CR1: variants seen among roughly 807,000 people sequenced by gnomAD.
The protein encoded by CR1 is complement C3b/C4b receptor 1 (Knops blood group).
Under a neutral mutation model 187.3 loss-of-function variants are expected in CR1, and 116 were observed. The ratio of observed to expected loss-of-function variants is 0.62; its 90% CI spans 0.53 to 0.72. The LOEUF (loss-of-function observed/expected upper bound fraction) is 0.72, where lower values mean the gene tolerates loss of function less well. Among genes scored for constraint, CR1 ranks in the 30% least tolerant of loss-of-function variants. CR1 has a pLI of 0.00. For synonymous variants in CR1, 576 were observed against 747.1 expected (o/e 0.77, Z 3.73); for missense variants, 1,731 against 2,110.7 (o/e 0.82, Z 3.52).
At chr1:207,498,877 C>CAAAAAAAAAAAAAAAAAAAAAAAAAA (rs56044498) in intron 1 of CR1, among the ~76,000 whole-genome samples, 2 of 50,106 alleles carry the variant, frequency 4.0e-5, no homozygotes, top group Admixed American at 3.2e-4. Context: ...AACTCCAAAT[C>CAAAAAAAAAAAAAAAAAAAAAAAAAA]AAAAAAAAAA....
At chr1:207,598,509 T>A (rs574732866) in intron 35 of CR1, among the ~76,000 whole-genome samples, 1 of 151,714 alleles carries the variant, frequency 6.6e-6, no homozygotes, top group East Asian at 1.9e-4. Flanking sequence ...AACCTCCGCC[T>A]CCAGGGTTCA....
chr1:207,567,986 G>T lies in CR1; in HGVS notation c.4115G>T (p.Ser1372Ile), dbSNP rs1262700810. ...GGAGAGAGCACCATCCGCTGCACAA[G>T]TGACCCTCAAGGGAATGGGGTTTGG... ...LIGESTIRCT[S>I]DPQGNGVWSS... The change falls in exon 25 of 47, where the codon AGT becomes ATT. Residue 1372 changes from serine to isoleucine, a missense_variant. Transcript: ENST00000367049. 1 of 1,610,542 alleles carries T rather than the reference G, an allele frequency of 6.2e-7. No homozygotes were observed.
chr1:207,586,841 C>A (rs1413336427), intron 33 of CR1, among the ~76,000 whole-genome samples: 1 of 152,148 alleles, frequency 6.6e-6, no homozygotes, highest in Non-Finnish European at 1.5e-5. Context: ...TCTCAAGAAC[C>A]TAATCTTAAT....
chr1:207,568,073 G>A (rs1220741641), intron 25 of CR1, 31 bp downstream of exon 25: 1 of 1,610,770 alleles, frequency 6.2e-7, no homozygotes, highest in African/African-American at 1.4e-5. Context: ...ATCCCTAATG[G>A]GTTCAGAATA....
At position 207,511,569 on chromosome 1, in the gene CR1, A is replaced by T; in HGVS notation, c.402A>T (p.Gly134=). Residue 134 remains glycine (G), a splice_region_variant and synonymous_variant, in exon 4 of 47, where the codon GGA becomes GGT. Transcript: ENST00000367049. ...GSQIKYSCTK[G]YRLIGSSSAT... ...AACATTCCTTATTTTTTGCCTCTAG[A>T]TACCGACTCATTGGTTCCTCGTCTG... The T allele has an allele frequency of 6.2e-7, 1 of 1,612,850 alleles. No homozygotes were observed. The highest frequency in any genetic ancestry group is 8.5e-7 in the Non-Finnish European group (1 of 1,179,080).
intron 46 of CR1, among the ~76,000 whole-genome samples, chr1:207,634,677 C>T (rs11118210): frequency 0.044 from 6,761 of 152,066 alleles, 497 homozygotes; most frequent in African/African-American, 0.15. Context: ...ACACCATTCC[C>T]GGCCTTAAAA....
intron 42 of CR1, among the ~76,000 whole-genome samples, chr1:207,618,703 G>T (rs957031069): frequency 2.0e-5 from 3 of 152,206 alleles, no homozygotes; most frequent in Non-Finnish European, 4.4e-5. Context: ...GATGAAGGAT[G>T]TACTGATGGC....
chr1:207,635,464 G>A (rs1336280436), intron 46 of CR1, among the ~76,000 whole-genome samples: 4 of 152,178 alleles, frequency 2.6e-5, no homozygotes, highest in Admixed American at 1.3e-4. Context: ...TTAAAGAGCA[G>A]TATTGCTGCC....
chr1:207,506,110 CCT>C (rs72124990), intron 2 of CR1, 27 bp downstream of exon 2: 46,048 of 1,605,752 alleles, frequency 0.029, 880 homozygotes, highest in African/African-American at 0.06. Flanking sequence ...TGGGAACCCC[CCT>C]GTTAGTCAAA....
intron 5 of CR1, among the ~76,000 whole-genome samples, chr1:207,524,257 C>A (rs1327295322): frequency 6.6e-6 from 1 of 152,068 alleles, no homozygotes; most frequent in Non-Finnish European, 1.5e-5. Flanking sequence ...CTATCAATTA[C>A]CTTTGAGTAT....
chr1:207,566,648 A>G (rs1660507450), intron 24 of CR1, among the ~76,000 whole-genome samples: 1 of 150,280 alleles, frequency 6.7e-6, no homozygotes, highest in Non-Finnish European at 1.5e-5. Context: ...AAATTCTCAA[A>G]ACATGTACCT....
At chr1:207,582,241 T>TG (rs1660980171) in intron 32 of CR1, among the ~76,000 whole-genome samples, 1 of 152,202 alleles carries the variant, frequency 6.6e-6, no homozygotes, top group African/African-American at 2.4e-5. Flanking sequence ...TAGAGAGAAA[T>TG]GCTTCATAGA....
rs71154830 is a variant in CR1, at chr1:207,623,911, C to CTTTTTTTT, written c.7352+868_7352+875dup. Among the ~76,000 whole-genome samples, 4 of 52,474 alleles carry CTTTTTTTT rather than the reference C, an allele frequency of 7.6e-5. 1 individual carries two copies. The East Asian group carries it at 2.0e-3, about 27-fold the overall frequency. 34.4% of individuals were successfully genotyped at this position (52,474 alleles called of 152,430 possible). ...ACAAATATTTTGTAAACACCATTAA[C>CTTTTTTTT]TTTTTTTTTTTTTTTTTTTTTTTTT... is the stretch of plus-strand genomic sequence containing the variant. On this transcript the variant is annotated intron_variant, in intron 45 of 46. Coordinates refer to ENST00000367049, the MANE Select transcript of CR1 (RefSeq NM_000651.6).
Position 207,506,082 on chromosome 1 carries a change from A to G in CR1, c.300A>G (p.Arg100=). ...GGACTGGTGCTAAGGACAGGTGCAG[A>G]CGTAAGTAACTCTGGAGTGGGAACC... ...SVWTGAKDRC[R]RKSCRNPPDP... The change falls in exon 2 of 47, where the codon AGA becomes AGG. Residue 100 remains arginine, a splice_region_variant and synonymous_variant. Coordinates refer to ENST00000367049, the MANE Select transcript of CR1 (RefSeq NM_000651.6). 1 of 1,612,808 alleles carries G rather than the reference A, an allele frequency of 6.2e-7. No homozygotes were observed. The highest frequency in any genetic ancestry group is 8.5e-7 in the Non-Finnish European group (1 of 1,179,496).
rs1571552721 is a variant in CR1, at chr1:207,579,060, T to G, written c.4936+857T>G. ...TCAGTTAAATATTTCTAAATTCATGTTTAATGAGGTATAGATTAGGTTGAT... is the reference window on the plus strand; with the variant it reads ...TCAGTTAAATATTTCTAAATTCATGGTTAATGAGGTATAGATTAGGTTGAT... On this transcript the variant is annotated intron_variant, in intron 29 of 46. Transcript: ENST00000367049. 3.9e-5 allele frequency among the ~76,000 whole-genome samples: 6 copies of G among 152,338 alleles called. No individual in the cohort carries two copies. In the East Asian group the frequency reaches 1.2e-3, roughly 29 times the overall value.
chr1:207,594,306 A>T (rs1022864783), intron 35 of CR1, among the ~76,000 whole-genome samples: 3 of 152,228 alleles, frequency 2.0e-5, no homozygotes, highest in African/African-American at 7.2e-5. Context: ...CTTTGCAGGG[A>T]CATTTATGAA....
chr1:207,617,537 GTATGTGTGTA>G (rs1468761194), intron 41 of CR1, among the ~76,000 whole-genome samples: 2 of 97,562 alleles, frequency 2.0e-5, no homozygotes, highest in African/African-American at 8.4e-5. Context: ...GTGTGTGTGT[GTATGTGTGTA>G]TATATATATG....
At chr1:207,597,730 C>T (rs774891724) in intron 35 of CR1, among the ~76,000 whole-genome samples, 1 of 152,180 alleles carries the variant, frequency 6.6e-6, no homozygotes, top group Non-Finnish European at 1.5e-5. Context: ...ATATAACCAG[C>T]AATTCTGCTC....
At chr1:207,505,637 C>T (rs1659403667) in intron 1 of CR1, among the ~76,000 whole-genome samples, 8 of 151,962 alleles carry the variant, frequency 5.3e-5, no homozygotes, top group Admixed American at 5.2e-4. Context: ...GGAGTCGAGA[C>T]CAGCCTGGCC....
Sources: gnomAD v4.1 joint callset for allele counts (sites outside exome capture counted in the v4.1 genomes callset) on GRCh38, gnomAD v4.1.1 for gene constraint, MANE v1.5 for transcripts, NCBI Gene and HGNC (gene_info 2026-07-23, HGNC 2026-07-21) for gene names.